Variants in SAMMSON observed in about 807,000 individuals in gnomAD.
SAMMSON encodes the protein long intergenic non-protein coding RNA 1212.
At chr3:70,051,134 CAAAAAAAAAAAAAAAA>C (rs71126477) in intron 3 of SAMMSON, among the ~76,000 whole-genome samples, 1 of 45,222 alleles carries the variant, frequency 2.2e-5, no homozygotes, top group African/African-American at 8.0e-5. Context: ...TACTCCATCT[CAAAAAAAAAAAAAAAA>C]AAAAAAAAAA....
At chr3:70,065,191 T>G (rs932830598) in intron 3 of SAMMSON, 5 of 152,112 alleles carry the variant, frequency 3.3e-5, no homozygotes, top group African/African-American at 1.2e-4. Flanking sequence ...TATCATGTAG[T>G]TATTAGCACA....
intron 6 of SAMMSON, among the ~76,000 whole-genome samples, chr3:70,287,697 T>C (rs1702181120): frequency 6.6e-6 from 1 of 152,022 alleles, no homozygotes; most frequent in Admixed American, 6.6e-5. Flanking sequence ...CTGGACTCTT[T>C]TTGGTTGGTA....
rs115930516 is a variant in SAMMSON at position 70,434,006 on chromosome 3, C to T, written n.234-28554C>T. ...TATTCTGTTCCATTCATCTGTTCAT[C>T]TATTCTTTCACTAATACCACACTTT... On this transcript the variant is annotated intron_variant and non_coding_transcript_variant, in intron 2 of 3. Transcript: ENST00000641053. 3.2e-3 allele frequency among the ~76,000 whole-genome samples: 480 copies of T among 152,290 alleles called. 3 individuals carry two copies. The highest frequency in any genetic ancestry group is 0.011 in the African/African-American group (455 of 41,564).
At chr3:70,071,733 G>T (rs779433181) in intron 4 of SAMMSON, 1 of 151,972 alleles carries the variant, frequency 6.6e-6, no homozygotes, top group Non-Finnish European at 1.5e-5. Flanking sequence ...ACAAAGATAT[G>T]TCATCATGCT....
chr3:70,016,153 T>C (rs939394223), intron 3 of SAMMSON, among the ~76,000 whole-genome samples: 3 of 152,200 alleles, frequency 2.0e-5, no homozygotes, highest in African/African-American at 7.2e-5. Context: ...TCTTCCACAA[T>C]GGATGAACTA....
intron 4 of SAMMSON, among the ~76,000 whole-genome samples, chr3:70,227,506 C>T (rs1701519096): frequency 6.6e-6 from 1 of 152,156 alleles, no homozygotes; most frequent in East Asian, 1.9e-4. Flanking sequence ...AGAACAATTT[C>T]GATAGAGGGA....
At chr3:70,341,475 T>C (rs1702710001) in intron 7 of SAMMSON, among the ~76,000 whole-genome samples, 1 of 152,160 alleles carries the variant, frequency 6.6e-6, no homozygotes, top group Non-Finnish European at 1.5e-5. Context: ...TCCTAGTTGG[T>C]CAAAACAAAT....
At chr3:70,292,919 A>C (rs1702252565) in intron 7 of SAMMSON, among the ~76,000 whole-genome samples, 1 of 152,004 alleles carries the variant, frequency 6.6e-6, no homozygotes, top group Non-Finnish European at 1.5e-5. Context: ...TATGATTTGA[A>C]ATTATCTAAC....
At chr3:70,332,517 T>C (rs1425374190) in intron 7 of SAMMSON, among the ~76,000 whole-genome samples, 1 of 152,160 alleles carries the variant, frequency 6.6e-6, no homozygotes, top group African/African-American at 2.4e-5. Context: ...AAGAAGTTAC[T>C]TAAAATAGAT....
intron 3 of SAMMSON, among the ~76,000 whole-genome samples, chr3:70,028,142 CTTT>C (rs2067049289): frequency 6.3e-5 from 5 of 79,936 alleles, no homozygotes; most frequent in African/African-American, 1.7e-4. Flanking sequence ...TTCCTTCCTT[CTTT>C]CCTTCCTTCC....
chr3:70,254,110 T>A (rs1701793370), intron 6 of SAMMSON, among the ~76,000 whole-genome samples: 1 of 149,674 alleles, frequency 6.7e-6, no homozygotes, highest in African/African-American at 2.5e-5. Context: ...AGCATTAAAA[T>A]TTTTTGGTAA....
At chr3:70,144,449 T>A (rs974030780) in intron 4 of SAMMSON, among the ~76,000 whole-genome samples, 1 of 152,166 alleles carries the variant, frequency 6.6e-6, no homozygotes. Context: ...CCAATGCTGC[T>A]GTCATCAGAT....
At chr3:70,001,279 C>T (rs2066904737) in intron 1 of SAMMSON, among the ~76,000 whole-genome samples, 1 of 152,002 alleles carries the variant, frequency 6.6e-6, no homozygotes, top group South Asian at 2.1e-4. Context: ...TATCCCTCTT[C>T]TCCTTTGTAG....
chr3:70,284,031 T>C (rs1702116094), intron 6 of SAMMSON, among the ~76,000 whole-genome samples: 1 of 152,130 alleles, frequency 6.6e-6, no homozygotes, highest in Admixed American at 6.6e-5. Flanking sequence ...GCAGAGGTAT[T>C]GGCTATTGGT....
intron 9 of SAMMSON, among the ~76,000 whole-genome samples, chr3:70,388,109 T>A (rs570879966): frequency 6.6e-6 from 1 of 152,246 alleles, no homozygotes. Context: ...GCAAACCATT[T>A]GAGGAGAAGT....
intron 4 of SAMMSON, among the ~76,000 whole-genome samples, chr3:70,079,997 C>A (rs9814696): frequency 0.015 from 2,219 of 152,316 alleles, 58 homozygotes; most frequent in African/African-American, 0.05. Flanking sequence ...TTTATGCTCC[C>A]GAATGCCTCT....
chr3:70,256,578 A>G (rs1701818531), intron 6 of SAMMSON, among the ~76,000 whole-genome samples: 1 of 152,182 alleles, frequency 6.6e-6, no homozygotes, highest in South Asian at 2.1e-4. Context: ...AACCTATGCT[A>G]TGCCACTTGC....
chr3:70,008,586 A>G (rs1232374342), intron 1 of SAMMSON, among the ~76,000 whole-genome samples: 1 of 152,206 alleles, frequency 6.6e-6, no homozygotes, highest in Non-Finnish European at 1.5e-5. Flanking sequence ...ATCTGCAAAC[A>G]GGGACAATTT....
chr3:70,051,124 T>C (rs1192886845), intron 3 of SAMMSON, among the ~76,000 whole-genome samples: 4 of 89,872 alleles, frequency 4.5e-5, no homozygotes, highest in Non-Finnish European at 7.8e-5. Context: ...CACAGAGTGA[T>C]ACTCCATCTC....
Sources: allele counts gnomAD v4.1 joint callset (sites outside exome capture counted in the v4.1 genomes callset), GRCh38; gene constraint gnomAD v4.1.1; transcripts MANE v1.5; gene names NCBI Gene and HGNC (gene_info 2026-07-23, HGNC 2026-07-21).